The following STXBP5L variants were observed in gnomAD, a reference collection of about 807,000 sequenced individuals.
STXBP5L encodes the protein syntaxin-binding protein 5-like.
A neutral mutation model predicts 144.5 loss-of-function variants in STXBP5L; 65 were observed. That is an observed-to-expected ratio of 0.45 (90% confidence interval 0.37 to 0.55). The LOEUF (loss-of-function observed/expected upper bound fraction) is 0.55, where lower values mean the gene tolerates loss of function less well. STXBP5L is among the 20% of genes least tolerant of loss of function. The pLI is 0.00. For synonymous variants in STXBP5L, 505 were observed against 469.6 expected, an observed-to-expected ratio of 1.08 and a Z score of -0.97; for missense variants, 1,298 against 1,405.5, an observed-to-expected ratio of 0.92 and a Z score of 1.22.
chr3:120,998,519 C>T (rs986383554), intron 3 of STXBP5L, among the ~76,000 whole-genome samples: 10 of 152,114 alleles, frequency 6.6e-5, no homozygotes, highest in African/African-American at 2.4e-4. Context: ...TCTCCTAATG[C>T]TATCCCTCCC....
At chr3:121,265,428 G>A (rs1559919535) in intron 18 of STXBP5L, among the ~76,000 whole-genome samples, 2 of 152,084 alleles carry the variant, frequency 1.3e-5, no homozygotes, top group Non-Finnish European at 1.5e-5. Context: ...AAACCAATGA[G>A]AACAGACACA....
Position 121,008,922 on chromosome 3 carries a change from A to G in STXBP5L, c.288-32778A>G, listed in dbSNP as rs1036664777. Among the ~76,000 whole-genome samples, 6 of 140,650 alleles carry G rather than the reference A, an allele frequency of 4.3e-5. No homozygotes were observed. The South Asian group carries it at 1.3e-3, about 31-fold the overall frequency. 92.3% of individuals were successfully genotyped at this position (140,650 alleles called of 152,430 possible). On this transcript the variant is annotated intron_variant, in intron 3 of 26. Transcript: ENST00000471454. ...GGATGGAATAGTTTCTTACGGTTTAATATAATCAATTTTTTTTTTTTACCA... is the reference window on the plus strand; with the variant it reads ...GGATGGAATAGTTTCTTACGGTTTAGTATAATCAATTTTTTTTTTTTACCA...
intron 5 of STXBP5L, among the ~76,000 whole-genome samples, chr3:121,049,078 C>T (rs1947742899): frequency 6.6e-6 from 1 of 151,966 alleles, no homozygotes; most frequent in South Asian, 2.1e-4. Context: ...GCCTGAGAGC[C>T]TAGGTAGGGG....
intron 5 of STXBP5L, among the ~76,000 whole-genome samples, chr3:121,101,606 A>G (rs990467720): frequency 6.6e-6 from 1 of 152,132 alleles, no homozygotes; most frequent in Non-Finnish European, 1.5e-5. Context: ...GCTATTTATG[A>G]TAAACACATA....
intron 9 of STXBP5L, among the ~76,000 whole-genome samples, chr3:121,175,496 C>G (rs914566800): frequency 6.6e-6 from 1 of 152,098 alleles, no homozygotes; most frequent in South Asian, 2.1e-4. Context: ...AGAGGCAAAG[C>G]AAGCATGCTG....
intron 19 of STXBP5L, among the ~76,000 whole-genome samples, chr3:121,313,395 A>C (rs1577430595): frequency 1.2e-5 from 1 of 86,314 alleles, no homozygotes; most frequent in Non-Finnish European, 2.3e-5. Flanking sequence ...CGGGGGGCTG[A>C]CCCCCCACCT....
chr3:120,991,982 TTGC>T (rs1039764563), intron 3 of STXBP5L, among the ~76,000 whole-genome samples: 6 of 152,114 alleles, frequency 3.9e-5, no homozygotes, highest in African/African-American at 1.4e-4. Context: ...CATATAGTGA[TTGC>T]TGCTTTTTAA....
intron 14 of STXBP5L, among the ~76,000 whole-genome samples, chr3:121,244,467 CAG>C (rs906934894): frequency 2.0e-5 from 3 of 149,250 alleles, no homozygotes; most frequent in African/African-American, 2.5e-5. Context: ...GAGAGAGAGA[CAG>C]AGAGAGAGAG....
At chr3:121,280,559 C>T (rs1467221275) in intron 19 of STXBP5L, among the ~76,000 whole-genome samples, 3 of 151,690 alleles carry the variant, frequency 2.0e-5, no homozygotes, top group Non-Finnish European at 4.4e-5. Context: ...AGAAAATAAA[C>T]TTAAGGTAAT....
At chr3:121,139,415 C>T (rs2045401665) in intron 7 of STXBP5L, among the ~76,000 whole-genome samples, 1 of 151,994 alleles carries the variant, frequency 6.6e-6, no homozygotes, top group African/African-American at 2.4e-5. Context: ...TTTAAAAACC[C>T]TATGAGAGGA....
At chr3:121,191,402 G>A (rs1431064380) in intron 9 of STXBP5L, among the ~76,000 whole-genome samples, 1 of 152,184 alleles carries the variant, frequency 6.6e-6, no homozygotes, top group African/African-American at 2.4e-5. Context: ...AGTCAGGCGT[G>A]GAGGCGCACG....
chr3:120,985,352 T>C (rs1461576013), intron 3 of STXBP5L, among the ~76,000 whole-genome samples: 1 of 152,098 alleles, frequency 6.6e-6, no homozygotes, highest in Non-Finnish European at 1.5e-5. Context: ...TTTTGATGTA[T>C]GTATACATGG....
intron 9 of STXBP5L, among the ~76,000 whole-genome samples, chr3:121,185,695 C>G (rs141137332): frequency 1.3e-5 from 2 of 152,198 alleles, no homozygotes; most frequent in Non-Finnish European, 2.9e-5. Flanking sequence ...GTTTTGGTTA[C>G]TATAGCCTTG....
chr3:121,017,000 A>T (rs1004494443), intron 3 of STXBP5L, among the ~76,000 whole-genome samples: 1 of 152,204 alleles, frequency 6.6e-6, no homozygotes, highest in African/African-American at 2.4e-5. Context: ...AAAACTACAG[A>T]CCAATATGTC....
chr3:121,349,047 G>T (rs1447090907), intron 20 of STXBP5L, among the ~76,000 whole-genome samples: 2 of 152,058 alleles, frequency 1.3e-5, no homozygotes, highest in Non-Finnish European at 2.9e-5. Flanking sequence ...TAATTGTGAT[G>T]TTAGGGTGTC....
intron 20 of STXBP5L, among the ~76,000 whole-genome samples, chr3:121,335,580 A>T (rs964911936): frequency 6.6e-6 from 1 of 152,194 alleles, no homozygotes; most frequent in Non-Finnish European, 1.5e-5. Context: ...CCAAAATAGC[A>T]TGGGACTGGT....
intron 20 of STXBP5L, among the ~76,000 whole-genome samples, chr3:121,336,497 A>G (rs963446371): frequency 1.3e-5 from 2 of 152,152 alleles, no homozygotes. Context: ...CCTGTCTCAA[A>G]AAAACCAGCC....
chr3:121,066,008 T>A (rs752540668), intron 5 of STXBP5L, among the ~76,000 whole-genome samples: 10 of 152,004 alleles, frequency 6.6e-5, no homozygotes, highest in Non-Finnish European at 1.2e-4. Flanking sequence ...CCAATAAGGG[T>A]GTGAGTTTCC....
chr3:121,324,137 T>C (rs950829473), intron 20 of STXBP5L, among the ~76,000 whole-genome samples: 1 of 152,128 alleles, frequency 6.6e-6, no homozygotes, highest in Admixed American at 6.5e-5. Flanking sequence ...GCTAGGATGA[T>C]AGAAATATAT....
Sources: gnomAD v4.1 joint callset for allele counts (sites outside exome capture counted in the v4.1 genomes callset) on GRCh38, gnomAD v4.1.1 for gene constraint, MANE v1.5 for transcripts, NCBI Gene and HGNC (gene_info 2026-07-23, HGNC 2026-07-21) for gene names.